PRKG2: variants seen among roughly 807,000 people sequenced by gnomAD.
The protein encoded by PRKG2 is cGMP-dependent protein kinase 2.
In PRKG2, 33 loss-of-function variants were observed where a neutral mutation model predicts 97.2. The observed-to-expected ratio is 0.34, with a 90% CI of 0.26 to 0.45. The LOEUF is 0.45. Ranked by LOEUF, PRKG2 falls within the 20% of genes least tolerant of loss-of-function variation. The probability of loss-of-function intolerance (pLI) is 1.00; values close to 1 mark genes in which losing one functional copy is unlikely to be tolerated. For synonymous variants in PRKG2, 330 were observed against 321.8 expected, an observed-to-expected ratio of 1.03 and a Z score of -0.27; for missense variants, 638 against 900.0, an observed-to-expected ratio of 0.71 and a Z score of 3.73.
In PRKG2 at chr4:81,171,733, G is replaced by A. The variant is rs753257317; in HGVS notation, c.700C>T (p.Leu234Phe). 2 of 1,610,204 alleles carry A rather than the reference G, an allele frequency of 1.2e-6. No homozygotes were observed. Among genetic ancestry groups the A allele is most frequent in the South Asian group, 1.1e-5 (1 of 90,482 alleles). ...CTTGTACAATTGTATAAAATGGCAA[G>A]CTCCCCAAATGTGGTCCACATAGGG... ...SIPMWTTFGE[L>F]AILYNCTRTA... The change falls in exon 4 of 19, where the codon CTT becomes TTT. Residue 234 changes from leucine (L) to phenylalanine (F), a missense_variant. Physicochemically the swap from Leu to Phe is conservative, Grantham distance 22 (BLOSUM62 0). Around this residue, in one of 3 missense-constraint regions of PRKG2, gnomAD observed 332 missense variants for 421.7 expected, o/e 0.79. Coordinates refer to ENST00000264399, the MANE Select transcript of PRKG2 (RefSeq NM_006259.3).
intron 6 of PRKG2, among the ~76,000 whole-genome samples, chr4:81,159,402 C>T (rs1749410678): frequency 6.6e-6 from 1 of 152,180 alleles, no homozygotes; most frequent in African/African-American, 2.4e-5. Flanking sequence ...ATCAAAACCA[C>T]AATGAGATAC....
chr4:81,123,774 G>C (rs932849471), intron 14 of PRKG2, among the ~76,000 whole-genome samples: 1 of 152,040 alleles, frequency 6.6e-6, no homozygotes, highest in African/African-American at 2.4e-5. Flanking sequence ...ACATATACTG[G>C]ATCTCTTTTC....
chr4:81,157,834 G>A (rs1749240611), intron 6 of PRKG2, among the ~76,000 whole-genome samples: 1 of 149,804 alleles, frequency 6.7e-6, no homozygotes, highest in East Asian at 1.9e-4. Context: ...AAAACCACAT[G>A]ATTATCTCAA....
At chr4:81,121,231 G>A (rs1308807525) in intron 14 of PRKG2, among the ~76,000 whole-genome samples, 1 of 152,044 alleles carries the variant, frequency 6.6e-6, no homozygotes, top group Non-Finnish European at 1.5e-5. Flanking sequence ...CTATATTCAT[G>A]GGAGATATTG....
rs1210344148 is a variant in PRKG2 at position 81,089,487 on chromosome 4, A to G, written c.*221T>C. ...GGGGTAGCCTCTAGCAGTTGAGAAA[A>G]GCAAATAATGTAATACATCAATAAT... is the stretch of plus-strand genomic sequence containing the variant. On this transcript the variant is annotated 3_prime_UTR_variant, in exon 19 of 19. Coordinates refer to ENST00000264399, the MANE Select transcript of PRKG2 (RefSeq NM_006259.3). 2 of 413,326 alleles carry G rather than the reference A, an allele frequency of 4.8e-6. No homozygotes were observed. The highest frequency in any genetic ancestry group is 8.5e-6 in the Non-Finnish European group (2 of 235,176). The allele number at this position is 413,326 out of a possible 1,614,324, so 25.6% of individuals were successfully genotyped here.
intron 1 of PRKG2, among the ~76,000 whole-genome samples, chr4:81,213,065 CTG>C (rs1754088337): frequency 6.6e-6 from 1 of 152,142 alleles, no homozygotes; most frequent in Non-Finnish European, 1.5e-5. Flanking sequence ...GGGCTAGACA[CTG>C]TGGCACTGAC....
chr4:81,181,275 A>G (rs187658434), intron 2 of PRKG2, among the ~76,000 whole-genome samples: 318 of 152,234 alleles, frequency 2.1e-3, no homozygotes, highest in Non-Finnish European at 3.7e-3. Flanking sequence ...GAATTGAACA[A>G]TACATTTCTA....
chr4:81,185,646 G>C (rs776660562), intron 2 of PRKG2, among the ~76,000 whole-genome samples: 17 of 149,304 alleles, frequency 1.1e-4, no homozygotes, highest in Non-Finnish European at 2.2e-4. Context: ...AATGTAAATG[G>C]GCTAAATGCC....
At position 81,169,780 on chromosome 4, in the gene PRKG2, T is replaced by A; in HGVS notation, c.743-12A>T. On this transcript the variant is annotated splice_polypyrimidine_tract_variant and intron_variant, in intron 4 of 18. Transcript: ENST00000264399. ...AACATTGGTAATAGCTTTAGAAAATTCAAGAAAACAATAAAACACTTAGTA... is the reference window on the plus strand; with the variant it reads ...AACATTGGTAATAGCTTTAGAAAATACAAGAAAACAATAAAACACTTAGTA... 6.5e-7 allele frequency: 1 copy of A among 1,541,742 alleles called. No homozygotes were observed. The highest frequency in any genetic ancestry group is 8.9e-7 in the Non-Finnish European group (1 of 1,126,480).
chr4:81,162,911 AAC>A (rs995676476), intron 6 of PRKG2, among the ~76,000 whole-genome samples: 1 of 152,328 alleles, frequency 6.6e-6, no homozygotes, highest in African/African-American at 2.4e-5. Context: ...GAGCAGAAGA[AAC>A]ACAGAGAATT....
At chr4:81,205,907 G>A (rs1410794354) in intron 1 of PRKG2, among the ~76,000 whole-genome samples, 1 of 152,102 alleles carries the variant, frequency 6.6e-6, no homozygotes, top group Admixed American at 6.5e-5. Context: ...GCAGATCAGG[G>A]GTTATAAGGG....
At chr4:81,101,158 T>G (rs77180033) in intron 17 of PRKG2, among the ~76,000 whole-genome samples, 3 of 150,678 alleles carry the variant, frequency 2.0e-5, no homozygotes, top group African/African-American at 7.4e-5. Context: ...GTCAGTGTGG[T>G]GATTCCTCAG....
chr4:81,152,064 G>A lies in PRKG2; in HGVS notation c.991-10C>T. The A allele has an allele frequency of 6.3e-7, 1 of 1,585,204 alleles. No individual in the cohort carries two copies. Among genetic ancestry groups the A allele is most frequent in the Non-Finnish European group, 8.6e-7 (1 of 1,159,694 alleles). The stretch of plus-strand genomic sequence containing the variant: ...TCTGTGTTACTTTTACCTAAACAAT[G>A]TTAAGCAATACAAACAGAAAGAGAC... On this transcript the variant is annotated splice_polypyrimidine_tract_variant and intron_variant, in intron 7 of 18. Coordinates refer to ENST00000264399, the MANE Select transcript of PRKG2 (RefSeq NM_006259.3).
chr4:81,126,045 C>A (rs986237502), intron 14 of PRKG2, among the ~76,000 whole-genome samples: 1 of 152,126 alleles, frequency 6.6e-6, no homozygotes, highest in South Asian at 2.1e-4. Flanking sequence ...CAGCCGCCAA[C>A]AGGCCCCGGT....
intron 2 of PRKG2, among the ~76,000 whole-genome samples, chr4:81,195,409 A>G (rs1752899827): frequency 6.6e-6 from 1 of 152,140 alleles, no homozygotes; most frequent in Non-Finnish European, 1.5e-5. Context: ...CATAACATAA[A>G]ATGTATCATT....
intron 10 of PRKG2, among the ~76,000 whole-genome samples, chr4:81,143,988 C>T (rs1018365793): frequency 2.6e-5 from 4 of 152,152 alleles, no homozygotes; most frequent in Non-Finnish European, 5.9e-5. Flanking sequence ...TGGATTAGAA[C>T]ACCTCTCCCT....
At chr4:81,119,736 G>A (rs1473517060) in intron 14 of PRKG2, among the ~76,000 whole-genome samples, 1 of 150,464 alleles carries the variant, frequency 6.6e-6, no homozygotes, top group African/African-American at 2.5e-5. Flanking sequence ...GTGCAGTGGT[G>A]AGATCTCGGC....
At chr4:81,150,422 T>C (rs1748272271) in intron 8 of PRKG2, among the ~76,000 whole-genome samples, 1 of 152,138 alleles carries the variant, frequency 6.6e-6, no homozygotes, top group South Asian at 2.1e-4. Context: ...ATATACAGAA[T>C]ATAAGGATTA....
chr4:81,118,309 G>GT (rs1392560633), intron 14 of PRKG2, among the ~76,000 whole-genome samples: 1 of 152,158 alleles, frequency 6.6e-6, no homozygotes, highest in African/African-American at 2.4e-5. Flanking sequence ...TCTGTGTATA[G>GT]TTTTTTGTGT....
Sources: allele counts gnomAD v4.1 joint callset (sites outside exome capture counted in the v4.1 genomes callset), GRCh38; gene constraint gnomAD v4.1.1; regional missense constraint gnomAD v4.1.1; transcripts MANE v1.5; gene names NCBI Gene and HGNC (gene_info 2026-07-23, HGNC 2026-07-21).